The following RNF213 variants were observed in gnomAD, a reference collection of about 807,000 sequenced individuals.
RNF213 encodes ring finger protein 213, also known as E3 ubiquitin-protein ligase RNF213.
Under a neutral mutation model 514.4 loss-of-function variants are expected in RNF213, and 341 were observed. That is an observed-to-expected ratio of 0.66 (90% confidence interval 0.61 to 0.73). The LOEUF is 0.73. Ranked by LOEUF, RNF213 falls within the 30% of genes least tolerant of loss-of-function variation. RNF213 has a pLI of 0.00. For synonymous variants in RNF213, 2,655 were observed against 2,658.2 expected, an observed-to-expected ratio of 1.00 and a Z score of 0.04; for missense variants, 5,767 against 6,615.6, an observed-to-expected ratio of 0.87 and a Z score of 4.45.
chr17:80,381,814 A>T, intron 57 of RNF213, 87 bp downstream of exon 57: 1 of 1,219,020 alleles, frequency 8.2e-7, no homozygotes, highest in Non-Finnish European at 1.2e-6. Flanking sequence ...CACCCCACAC[A>T]CAGCCAGTCT....
chr17:80,318,187 C>A (rs2046011284), intron 16 of RNF213, among the ~76,000 whole-genome samples: 2 of 152,138 alleles, frequency 1.3e-5, no homozygotes, highest in African/African-American at 4.8e-5. Flanking sequence ...AGATAGGGGG[C>A]AGGGTGGGCC....
chr17:80,382,724 G>C (rs190629194), intron 57 of RNF213: 1 of 403,656 alleles, frequency 2.5e-6, no homozygotes, highest in Non-Finnish European at 4.7e-6. Flanking sequence ...TGTTCTTTCA[G>C]TAATTTTTTT....
intron 21 of RNF213, among the ~76,000 whole-genome samples, chr17:80,333,223 G>A (rs1272492397): frequency 3.2e-5 from 3 of 93,004 alleles, no homozygotes; most frequent in Non-Finnish European, 7.0e-5. Context: ...TAATTTTTTT[G>A]GTATTTTTTT....
rs781086747 is a variant in RNF213, at chr17:80,346,232, T to G, written c.7897T>G (p.Cys2633Gly). The G allele has an allele frequency of 1.9e-6, 3 of 1,614,008 alleles. No individual in the cohort carries two copies. Among genetic ancestry groups the G allele is most frequent in the Admixed American group, 3.3e-5 (2 of 60,008 alleles). Residue 2633 changes from cysteine (C) to glycine (G), a missense_variant, in exon 29 of 68, where the codon TGC (cysteine) becomes GGC (glycine). Cys to Gly is a radical substitution (Grantham distance 159). Coordinates refer to ENST00000582970, the MANE Select transcript of RNF213 (RefSeq NM_001256071.3). This position sits in a 1 kb window ranked among gnomAD's most constrained non-coding sequence, Gnocchi z 8.1. ...QGFMRKTEDECSFVSLRDVER... is the reference protein window; with the variant it reads ...QGFMRKTEDEGSFVSLRDVER... ...TTTCATGAGGAAAACAGAAGATGAG[T>G]GCAGCTTTGTCAGCCTCAGGGACGT...
At chr17:80,318,247 C>G (rs899438734) in intron 16 of RNF213, among the ~76,000 whole-genome samples, 5 of 152,140 alleles carry the variant, frequency 3.3e-5, no homozygotes, top group African/African-American at 1.2e-4. Context: ...AGACATTACT[C>G]CGAAAGAACC....
At chr17:80,372,209 A>G (rs1236303697) in intron 47 of RNF213, among the ~76,000 whole-genome samples, 3 of 152,262 alleles carry the variant, frequency 2.0e-5, no homozygotes, top group Non-Finnish European at 2.9e-5. Context: ...ATATACTGCC[A>G]AAGTTAACAG....
chr17:80,380,429 C>T (rs1042966389), intron 55 of RNF213, among the ~76,000 whole-genome samples: 5 of 152,180 alleles, frequency 3.3e-5, no homozygotes, highest in African/African-American at 4.8e-5. Flanking sequence ...CTTTAGATCC[C>T]GGTTTTTCCT....
In RNF213 at chr17:80,339,571, ACTG is replaced by A; in HGVS notation, c.5206_5208del (p.Cys1736del). ...ACGATGCTATCCTTCATCAAAAGCA[ACTG>A]CACCCTGAGGGATGTCTTAAGGGCC... is the stretch of plus-strand genomic sequence containing the variant. On this transcript the variant is annotated inframe_deletion, in exon 26 of 68. Coordinates refer to ENST00000582970, the MANE Select transcript of RNF213 (RefSeq NM_001256071.3). 1 of 1,537,164 alleles carries A rather than the reference ACTG, an allele frequency of 6.5e-7. No individual in the cohort carries two copies. The highest frequency in any genetic ancestry group is 8.7e-7 in the Non-Finnish European group (1 of 1,146,874).
intron 51 of RNF213, 47 bp from the exon 52 acceptor site, chr17:80,376,254 C>T (rs1233136643): frequency 1.2e-6 from 2 of 1,607,814 alleles, no homozygotes; most frequent in Non-Finnish European, 1.7e-6. Flanking sequence ...GAGCAATTCA[C>T]ACAATATTCT....
chr17:80,290,324 CGT>C (rs957383700), intron 6 of RNF213, among the ~76,000 whole-genome samples: 19 of 151,216 alleles, frequency 1.3e-4, no homozygotes, highest in East Asian at 5.9e-4. Context: ...TGTGCGTTCA[CGT>C]GTGTGTGCGC....
chr17:80,322,650 C>T (rs2046178144), intron 17 of RNF213, among the ~76,000 whole-genome samples: 1 of 152,136 alleles, frequency 6.6e-6, no homozygotes, highest in African/African-American at 2.4e-5. Context: ...CCTGGACTCA[C>T]ATGAACCTCC....
intron 18 of RNF213, among the ~76,000 whole-genome samples, chr17:80,327,433 G>T (rs2046307932): frequency 2.0e-5 from 3 of 150,836 alleles, no homozygotes. Flanking sequence ...GTGGGCTATG[G>T]TTGTGCCACT....
chr17:80,367,313 G>T (rs1261969311), intron 42 of RNF213, among the ~76,000 whole-genome samples: 3 of 152,154 alleles, frequency 2.0e-5, no homozygotes, highest in Admixed American at 2.0e-4. Context: ...ATAATGTTTT[G>T]TTTCTCTAAA....
rs546134996 is a variant in RNF213 at position 80,365,835 on chromosome 17, G to A, written c.11871+1282G>A. Reference sequence around the variant, plus strand: ...CACAGGGCTTTCAGCCAGGTCCAGCGTGGGTCATAAGGGCCAGGTGCCCAT... The same window carrying A: ...CACAGGGCTTTCAGCCAGGTCCAGCATGGGTCATAAGGGCCAGGTGCCCAT... On this transcript the variant is annotated intron_variant, in intron 42 of 67. Coordinates refer to ENST00000582970, the MANE Select transcript of RNF213 (RefSeq NM_001256071.3). Among the ~76,000 whole-genome samples the A allele has an allele frequency of 5.3e-5, 8 of 152,348 alleles. No homozygotes were observed. The South Asian group carries it at 8.3e-4, about 16-fold the overall frequency.
Position 80,398,521 on chromosome 17 carries a change from T to C in RNF213, c.*5023T>C, listed in dbSNP as rs990107379. 1.3e-5 allele frequency: 2 copies of C among 152,194 alleles called. No homozygotes were observed. The allele number at this position is 152,194 out of a possible 1,614,324, so 9.4% of individuals were successfully genotyped here. ...GGACAGGTCCCTTGTTTCAAAGGTA[T>C]GGCACAAGGTAACCTGTAAGCCAGG... On this transcript the variant is annotated 3_prime_UTR_variant, in exon 68 of 68. Coordinates refer to ENST00000582970, the MANE Select transcript of RNF213 (RefSeq NM_001256071.3).
intron 41 of RNF213, 142 bp downstream of exon 41, chr17:80,363,932 T>G: frequency 1.2e-6 from 1 of 847,362 alleles, no homozygotes; most frequent in African/African-American, 1.7e-5. Flanking sequence ...CACTCCGCAT[T>G]TGCCGAACCC....
intron 14 of RNF213, among the ~76,000 whole-genome samples, chr17:80,310,772 G>C (rs2045544227): frequency 6.6e-6 from 1 of 151,608 alleles, no homozygotes; most frequent in African/African-American, 2.4e-5. Context: ...GGCTGGCCTT[G>C]AACTCCTGAC....
At chr17:80,290,433 G>C in intron 6 of RNF213, 137 bp from the exon 7 acceptor site, 2 of 1,017,278 alleles carry the variant, frequency 2.0e-6, no homozygotes, top group South Asian at 1.3e-5. Context: ...GAGTGTGCGC[G>C]TGTGTGCATG....
intron 14 of RNF213, 80 bp downstream of exon 14, chr17:80,309,251 G>C (rs1568044511): frequency 1.3e-6 from 2 of 1,554,184 alleles, no homozygotes; most frequent in African/African-American, 1.4e-5. Flanking sequence ...AAAGGAAACA[G>C]ACTGATTCCC....
Sources: gnomAD v4.1 joint callset for allele counts (sites outside exome capture counted in the v4.1 genomes callset) on GRCh38, gnomAD v4.1.1 for gene constraint, Gnocchi (gnomAD v3.1) non-coding constraint, MANE v1.5 for transcripts, NCBI Gene and HGNC (gene_info 2026-07-23, HGNC 2026-07-21) for gene names.